TMEM259: variants seen among roughly 807,000 people sequenced by gnomAD.
TMEM259 encodes membralin.
In TMEM259, 26 loss-of-function variants were observed where a neutral mutation model predicts 46.7. That is an observed-to-expected ratio of 0.56 (90% CI 0.41 to 0.77). The LOEUF (loss-of-function observed/expected upper bound fraction) is 0.77. Among genes scored for constraint, TMEM259 ranks in the 30% least tolerant of loss-of-function variants. The pLI, the probability that TMEM259 is intolerant of heterozygous loss-of-function variation, is 0.00. For synonymous variants in TMEM259, 494 were observed against 395.1 expected (o/e 1.25, Z -2.97); for missense variants, 930 against 900.5 (o/e 1.03, Z -0.42).
At position 1,011,565 on chromosome 19, in the gene TMEM259, G is replaced by T; in HGVS notation, c.1084+15C>A. The T allele has an allele frequency of 6.5e-7, 1 of 1,540,978 alleles. No individual in the cohort carries two copies. On this transcript the variant is annotated intron_variant, in intron 8 of 10. Coordinates refer to ENST00000356663, the MANE Select transcript of TMEM259 (RefSeq NM_001033026.2). Reference sequence around the variant, plus strand: ...GGTGCAGCGCGGGGCGGGGGAGGCCGGGTGGGGTCCTCACCGACGAGGGCC... The same window carrying T: ...GGTGCAGCGCGGGGCGGGGGAGGCCTGGTGGGGTCCTCACCGACGAGGGCC...
Position 1,013,358 on chromosome 19 carries a change from C to T in TMEM259, c.508-18G>A, listed in dbSNP as rs200757732. The T allele has an allele frequency of 1.2e-5, 20 of 1,612,740 alleles. No homozygotes were observed. Among genetic ancestry groups the T allele is most frequent in the Non-Finnish European group, 1.7e-5 (20 of 1,179,248 alleles). On this transcript the variant is annotated intron_variant, in intron 2 of 10. Coordinates refer to ENST00000356663, the MANE Select transcript of TMEM259 (RefSeq NM_001033026.2). ...AGCTCAAACTGTGGGCGACCAGGGA[C>T]CTGGGTGTCAGCAGCGCCAGCCCGG...
chr19:1,011,960 A>G lies in TMEM259; in HGVS notation c.874T>C (p.Tyr292His). 4 of 1,612,126 alleles carry G rather than the reference A, an allele frequency of 2.5e-6. No homozygotes were observed. Among genetic ancestry groups the G allele is most frequent in the Non-Finnish European group, 2.5e-6 (3 of 1,179,570 alleles). Reference protein sequence around the residue: ...FLRNVVSGEHYRFVSMWMART... With the variant: ...FLRNVVSGEHHRFVSMWMART... ...GCCATCCACATGCTCACAAAGCGGT[A>G]GTGCTCGCCCGACACCACATTCCGC... is the stretch of plus-strand genomic sequence containing the variant. The change falls in exon 6 of 11, where the codon TAC (tyrosine) becomes CAC (histidine). Residue 292 changes from tyrosine (Y) to histidine (H), a missense_variant. Coordinates refer to ENST00000356663, the MANE Select transcript of TMEM259 (RefSeq NM_001033026.2).
intron 2 of TMEM259, chr19:1,013,760 C>T (rs7255460): frequency 0.019 from 5,424 of 278,524 alleles, 264 homozygotes; most frequent in African/African-American, 0.11. Context: ...GTGCCCAAGG[C>T]CACCACAAGC....
chr19:1,009,721 T>TTTC lies in TMEM259; in HGVS notation c.*628_*629insGAA, dbSNP rs1298225441. ...TACACTGCAATTAAATAGAATGGAA[T>TTTC]GAGCGCTCCTCCGCATTCCTCCCCG... is the stretch of plus-strand genomic sequence containing the variant. On this transcript the variant is annotated 3_prime_UTR_variant, in exon 11 of 11. Coordinates refer to ENST00000356663, the MANE Select transcript of TMEM259 (RefSeq NM_001033026.2). 2.2e-6 allele frequency: 2 copies of TTTC among 895,426 alleles called. No individual in the cohort carries two copies. Among genetic ancestry groups the TTTC allele is most frequent in the Non-Finnish European group, 3.1e-6 (2 of 652,384 alleles). 55.5% of individuals were successfully genotyped at this position (895,426 alleles called of 1,614,324 possible).
At position 1,010,240 on chromosome 19, in the gene TMEM259, C is replaced by A; in HGVS notation, c.*110G>T. On this transcript the variant is annotated 3_prime_UTR_variant, in exon 11 of 11. Coordinates refer to ENST00000356663, the MANE Select transcript of TMEM259 (RefSeq NM_001033026.2). Reference sequence around the variant, plus strand: ...CCCACGAAACCCTGAAAGCCCCCGACACAGGCTGGGCAGTCCCAGAGGAAG... The same window carrying A: ...CCCACGAAACCCTGAAAGCCCCCGAAACAGGCTGGGCAGTCCCAGAGGAAG... The A allele has an allele frequency of 9.2e-7, 1 of 1,088,896 alleles. No homozygotes were observed. The highest frequency in any genetic ancestry group is 1.2e-6 in the Non-Finnish European group (1 of 809,768). 67.5% of individuals were successfully genotyped at this position (1,088,896 alleles called of 1,614,324 possible). A position where few individuals can be genotyped will look rare whatever the true frequency, so the allele number is the denominator to read the frequency against.
chr19:1,013,268 A>G lies in TMEM259; in HGVS notation c.580T>C (p.Phe194Leu). The change falls in exon 3 of 11, where the codon TTC (phenylalanine) becomes CTC (leucine). Residue 194 changes from phenylalanine to leucine, a missense_variant. By Grantham distance (22) the Phe-to-Leu change is conservative (BLOSUM62 0). Coordinates refer to ENST00000356663, the MANE Select transcript of TMEM259 (RefSeq NM_001033026.2). ...STEALNDSQE[F>L]PFPETPTKVW... ...TTGGTGGGCGTCTCGGGGAAGGGGAACTCCTGGCTGTCATTCAGGGCCTCT... is the reference window on the plus strand; with the variant it reads ...TTGGTGGGCGTCTCGGGGAAGGGGAGCTCCTGGCTGTCATTCAGGGCCTCT... 6.2e-7 allele frequency: 1 copy of G among 1,613,120 alleles called. No individual in the cohort carries two copies. Among genetic ancestry groups the G allele is most frequent in the Non-Finnish European group, 8.5e-7 (1 of 1,179,566 alleles).
At chr19:1,012,336 G>A (rs563541958) in intron 4 of TMEM259, 127 bp downstream of exon 4, 86 of 1,494,590 alleles carry the variant, frequency 5.8e-5, no homozygotes, top group Non-Finnish European at 7.0e-5. Flanking sequence ...CCTGGGAAGC[G>A]TGCCTGGGGC....
At chr19:1,018,936 C>T (rs574442390) in intron 1 of TMEM259, among the ~76,000 whole-genome samples, 2 of 150,460 alleles carry the variant, frequency 1.3e-5, no homozygotes, top group Admixed American at 6.7e-5. Flanking sequence ...TGCAGTGAGC[C>T]GAGATCAAAC....
At chr19:1,016,745 G>A (rs1173282121) in intron 1 of TMEM259, among the ~76,000 whole-genome samples, 4 of 152,252 alleles carry the variant, frequency 2.6e-5, no homozygotes, top group Admixed American at 1.3e-4. Context: ...CCACGGGGAA[G>A]AGCAGCTCCT....
Position 1,010,125 on chromosome 19 carries a change from C to T in TMEM259, c.*225G>A, listed in dbSNP as rs1168337859. On this transcript the variant is annotated 3_prime_UTR_variant, in exon 11 of 11. Transcript: ENST00000356663. ...CTTCCGCGGAACCCCACCCCCTCTC[C>T]TTGCTGACCAGCTCAAACACCTCAC... The T allele has an allele frequency of 2.0e-6, 1 of 510,266 alleles. No individual in the cohort carries two copies. The highest frequency in any genetic ancestry group is 3.4e-6 in the Non-Finnish European group (1 of 295,014). 31.6% of individuals were successfully genotyped at this position (510,266 alleles called of 1,614,324 possible).
At chr19:1,012,406 G>A (rs754397046) in intron 4 of TMEM259, 57 bp downstream of exon 4, 37 of 1,534,548 alleles carry the variant, frequency 2.4e-5, no homozygotes, top group East Asian at 9.8e-5. Flanking sequence ...GAGGAGACCC[G>A]AGGGAGGAGG....
intron 1 of TMEM259, among the ~76,000 whole-genome samples, chr19:1,016,085 C>T (rs1460205192): frequency 2.0e-5 from 3 of 152,190 alleles, no homozygotes; most frequent in Admixed American, 6.5e-5. Context: ...CCAAAAGAGC[C>T]GCAGGGGATG....
At chr19:1,013,381 C>T (rs779563494) in intron 2 of TMEM259, 41 bp from the exon 3 acceptor site, 54 of 1,602,608 alleles carry the variant, frequency 3.4e-5, no homozygotes, top group East Asian at 6.7e-5. Context: ...AGCGCCAGCC[C>T]GGGCTGTGAG....
At chr19:1,013,485 G>A (rs878978789) in intron 2 of TMEM259, 145 bp from the exon 3 acceptor site, 1 of 706,068 alleles carries the variant, frequency 1.4e-6, no homozygotes, top group South Asian at 1.8e-5. Flanking sequence ...GACTACGTGT[G>A]CCTCCCGCCT....
chr19:1,021,116 G>A lies in TMEM259; in HGVS notation c.-120C>T. ...CTCCCGGCCGCCGCCGCCATCTTCCGCTTTCTCGTCCGGCTGCGGCGCTGC... is the reference window on the plus strand; with the variant it reads ...CTCCCGGCCGCCGCCGCCATCTTCCACTTTCTCGTCCGGCTGCGGCGCTGC... On this transcript the variant is annotated 5_prime_UTR_variant, in exon 1 of 11. Coordinates refer to ENST00000356663, the MANE Select transcript of TMEM259 (RefSeq NM_001033026.2). 8.9e-7 allele frequency: 1 copy of A among 1,122,256 alleles called. No homozygotes were observed. The highest frequency in any genetic ancestry group is 1.1e-6 in the Non-Finnish European group (1 of 890,566). The allele number at this position is 1,122,256 out of a possible 1,614,324, so 69.5% of individuals were successfully genotyped here.
Position 1,015,408 on chromosome 19 carries a change from G to T in TMEM259, c.226-935C>A, listed in dbSNP as rs919169337. ...CCCACCCCGACGTCCACAGGGCTTG[G>T]GGAGCCCACGCCCCAGCGTGCTGCA... On this transcript the variant is annotated intron_variant, in intron 1 of 10. Transcript: ENST00000356663. 7.2e-5 allele frequency among the ~76,000 whole-genome samples: 11 copies of T among 152,314 alleles called. No homozygotes were observed. The East Asian group carries it at 2.1e-3, about 29-fold the overall frequency.
In TMEM259 at chr19:1,009,873, C is replaced by G. The variant is rs2145550086; in HGVS notation, c.*477G>C. ...GCCCGAGGCGCAAGCTCTGCTCTCCCGGGGACCCCAAGCCTGGCGCACACG... is the reference window on the plus strand; with the variant it reads ...GCCCGAGGCGCAAGCTCTGCTCTCCGGGGGACCCCAAGCCTGGCGCACACG... On this transcript the variant is annotated 3_prime_UTR_variant, in exon 11 of 11. Transcript: ENST00000356663. 1 of 396,118 alleles carries G rather than the reference C, an allele frequency of 2.5e-6. No homozygotes were observed. Among genetic ancestry groups the G allele is most frequent in the African/African-American group, 2.1e-5 (1 of 47,750 alleles). 24.5% of individuals were successfully genotyped at this position (396,118 alleles called of 1,614,324 possible).
At chr19:1,011,311 GC>G (rs2145564640) in intron 9 of TMEM259, 55 bp downstream of exon 9, 1 of 1,542,934 alleles carries the variant, frequency 6.5e-7, no homozygotes, top group Middle Eastern at 2.2e-4. Flanking sequence ...CCCTCTGGCA[GC>G]CCCCTACCCC....
chr19:1,020,899 T>C lies in TMEM259; in HGVS notation c.98A>G (p.Asn33Ser). ...PARGPRTPNL[N>S]PNPLINVRDR... is the part of the protein sequence containing the mutation. ...GCGCACGTTGATGAGGGGGTTGGGG[T>C]TGAGATTGGGGGTGCGAGGCCCGCG... The change falls in exon 1 of 11, where the codon AAC (asparagine) becomes AGC (serine). Residue 33 changes from asparagine (N) to serine (S), a missense_variant. Coordinates refer to ENST00000356663, the MANE Select transcript of TMEM259 (RefSeq NM_001033026.2). This position sits in a 1 kb window ranked among gnomAD's most constrained non-coding sequence, Gnocchi z 4.0. 1.5e-6 allele frequency: 2 copies of C among 1,303,010 alleles called. No homozygotes were observed. The highest frequency in any genetic ancestry group is 2.0e-6 in the Non-Finnish European group (2 of 1,023,208). The allele number at this position is 1,303,010 out of a possible 1,614,324, so 80.7% of individuals were successfully genotyped here. A position where few individuals can be genotyped will look rare whatever the true frequency, so the allele number is the denominator to read the frequency against.
Sources: gnomAD v4.1 joint callset for allele counts (sites outside exome capture counted in the v4.1 genomes callset) on GRCh38, gnomAD v4.1.1 for gene constraint, Gnocchi (gnomAD v3.1) non-coding constraint, MANE v1.5 for transcripts, NCBI Gene and HGNC (gene_info 2026-07-23, HGNC 2026-07-21) for gene names.